The following JPH3 variants were observed in gnomAD, a reference collection of about 807,000 sequenced individuals.
The protein encoded by JPH3 is junctophilin-3.
Under a neutral mutation model 59.6 loss-of-function variants are expected in JPH3, and 11 were observed. The observed-to-expected ratio is 0.18, with a 90% CI of 0.12 to 0.31. JPH3 has a LOEUF of 0.31. Among genes scored for constraint, JPH3 ranks in the 10% least tolerant of loss-of-function variants. The pLI, the probability that JPH3 is intolerant of heterozygous loss-of-function variation, is 1.00. For missense variants in JPH3, 1,202 were observed against 1,105.7 expected (o/e 1.09, Z -1.24); for synonymous variants, 673 against 483.6 (o/e 1.39, Z -5.14).
chr16:87,620,465 G>GGAGAGAAGGAGAGAGAGA, intron 1 of JPH3, among the ~76,000 whole-genome samples: 1 of 137,802 alleles, frequency 7.3e-6, no homozygotes, highest in East Asian at 2.3e-4. Flanking sequence ...GGAGAGAGAG[G>GGAGAGAAGGAGAGAGAGA]GAGAGAAGGA....
At chr16:87,685,987 C>A (rs956860005) in intron 3 of JPH3, among the ~76,000 whole-genome samples, 1 of 152,100 alleles carries the variant, frequency 6.6e-6, no homozygotes, top group East Asian at 1.9e-4. Context: ...TAGATCCACG[C>A]GGCGTCCTTA....
intron 1 of JPH3, among the ~76,000 whole-genome samples, chr16:87,641,923 G>A (rs993873624): frequency 7.2e-5 from 11 of 152,220 alleles, no homozygotes; most frequent in East Asian, 1.9e-4. Flanking sequence ...TCTGGATGCC[G>A]CGGGTGCCGG....
chr16:87,675,045 A>G (rs527749783), intron 2 of JPH3, among the ~76,000 whole-genome samples: 1 of 152,284 alleles, frequency 6.6e-6, no homozygotes, highest in East Asian at 1.9e-4. Flanking sequence ...TACACGTGTG[A>G]GCCACAGCGC....
rs768484704 is a variant in JPH3, at chr16:87,689,699, C to T, written c.1339C>T (p.Leu447=). The T allele has an allele frequency of 6.2e-7, 1 of 1,612,456 alleles. No homozygotes were observed. The highest frequency in any genetic ancestry group is 8.5e-7 in the Non-Finnish European group (1 of 1,179,778). ...GACCTCCTGTGACGACATCGAGGTG[C>T]TGTCCACCGGGACACCCCTGCAGCA... ...RQTSCDDIEV[L]STGTPLQQES... is the part of the protein sequence containing the mutation. The change falls in exon 4 of 5, where the codon CTG becomes TTG. Residue 447 remains leucine, a synonymous_variant. Coordinates refer to ENST00000284262, the MANE Select transcript of JPH3 (RefSeq NM_020655.4).
chr16:87,610,536 T>C (rs78714678), intron 1 of JPH3, among the ~76,000 whole-genome samples: 5,254 of 152,292 alleles, frequency 0.034, 206 homozygotes, highest in African/African-American at 0.098. Context: ...AATGCGGTAG[T>C]ATTTGGTAAT....
intron 1 of JPH3, among the ~76,000 whole-genome samples, chr16:87,614,295 T>C (rs1358990944): frequency 2.1e-5 from 3 of 145,376 alleles, no homozygotes; most frequent in African/African-American, 7.8e-5. Flanking sequence ...GGAGGAGCTG[T>C]GCGTCCCCTC....
intron 1 of JPH3, among the ~76,000 whole-genome samples, chr16:87,625,839 C>T (rs2031354594): frequency 6.6e-6 from 1 of 152,034 alleles, no homozygotes; most frequent in South Asian, 2.1e-4. Flanking sequence ...GGCTTGTAGA[C>T]AGCGCAAAGT....
intron 2 of JPH3, among the ~76,000 whole-genome samples, chr16:87,652,981 G>A (rs186699677): frequency 1.3e-5 from 2 of 152,310 alleles, no homozygotes; most frequent in East Asian, 1.9e-4. Context: ...ACTGTCCTGC[G>A]GGCATAGCAG....
chr16:87,650,343 C>G (rs2032290803), intron 2 of JPH3, among the ~76,000 whole-genome samples: 2 of 152,312 alleles, frequency 1.3e-5, no homozygotes, highest in South Asian at 4.1e-4. Flanking sequence ...GCTCTGTGTT[C>G]TGACCAATCC....
chr16:87,634,775 G>A (rs529473364), intron 1 of JPH3, among the ~76,000 whole-genome samples: 4 of 152,342 alleles, frequency 2.6e-5, no homozygotes, highest in South Asian at 4.1e-4. Context: ...GGGAGAGGAC[G>A]GGCTTTGGGG....
intron 2 of JPH3, among the ~76,000 whole-genome samples, chr16:87,666,857 A>G (rs2032879849): frequency 6.6e-6 from 1 of 152,268 alleles, no homozygotes; most frequent in Admixed American, 6.5e-5. Flanking sequence ...GAGGCCTAGC[A>G]GCCTGCCTCG....
intron 3 of JPH3, among the ~76,000 whole-genome samples, chr16:87,688,697 A>T (rs977518374): frequency 5.9e-5 from 9 of 152,104 alleles, no homozygotes; most frequent in Non-Finnish European, 8.8e-5. Flanking sequence ...CTCGGGCAGG[A>T]CGGGGATGCT....
At chr16:87,688,625 T>G (rs910989116) in intron 3 of JPH3, among the ~76,000 whole-genome samples, 1 of 152,104 alleles carries the variant, frequency 6.6e-6, no homozygotes, top group African/African-American at 2.4e-5. Context: ...GGTAGAGCTC[T>G]GAGACCTCCG....
At chr16:87,652,764 T>G (rs1381010411) in intron 2 of JPH3, among the ~76,000 whole-genome samples, 3 of 152,250 alleles carry the variant, frequency 2.0e-5, no homozygotes, top group Non-Finnish European at 4.4e-5. Flanking sequence ...AGGACTGTGG[T>G]GGCAGCCGGT....
chr16:87,651,140 A>G (rs921856356), intron 2 of JPH3, among the ~76,000 whole-genome samples: 13 of 152,242 alleles, frequency 8.5e-5, no homozygotes, highest in Non-Finnish European at 1.8e-4. Context: ...TGCTCTAGAA[A>G]TGGAACAACA....
At chr16:87,636,847 C>T (rs554463753) in intron 1 of JPH3, among the ~76,000 whole-genome samples, 3 of 152,360 alleles carry the variant, frequency 2.0e-5, no homozygotes, top group African/African-American at 4.8e-5. Flanking sequence ...GCGATTGTCA[C>T]CCTATCTTAC....
intron 2 of JPH3, among the ~76,000 whole-genome samples, chr16:87,656,522 G>T (rs1297164541): frequency 6.6e-6 from 1 of 152,202 alleles, no homozygotes; most frequent in Non-Finnish European, 1.5e-5. Context: ...AAGGAACTCG[G>T]CTCAGGGCCG....
intron 1 of JPH3, among the ~76,000 whole-genome samples, chr16:87,643,060 C>T (rs1358898408): frequency 1.3e-5 from 2 of 152,176 alleles, no homozygotes; most frequent in Non-Finnish European, 2.9e-5. Flanking sequence ...CACAACCCTC[C>T]CCAGCCCCTG....
intron 1 of JPH3, among the ~76,000 whole-genome samples, chr16:87,613,012 T>A (rs2030788875): frequency 6.7e-6 from 1 of 150,222 alleles, no homozygotes; most frequent in South Asian, 2.1e-4. Flanking sequence ...GGTGAAAGAG[T>A]GAGACTCCGT....
Sources: allele counts gnomAD v4.1 joint callset (sites outside exome capture counted in the v4.1 genomes callset), GRCh38; gene constraint gnomAD v4.1.1; transcripts MANE v1.5; gene names NCBI Gene and HGNC (gene_info 2026-07-23, HGNC 2026-07-21).